Variants in PDE7A observed in about 807,000 individuals in gnomAD.
PDE7A encodes the protein high affinity 3',5'-cyclic-AMP phosphodiesterase 7A.
PDE7A carries 39 observed loss-of-function variants against 64.3 expected under a neutral mutation model. The ratio of observed to expected loss-of-function variants is 0.61; its 90% CI spans 0.47 to 0.79. The LOEUF (loss-of-function observed/expected upper bound fraction) is 0.79, where lower values mean the gene tolerates loss of function less well. Among genes scored for constraint, PDE7A ranks in the 30% least tolerant of loss-of-function variants. The pLI is 0.00. For synonymous variants in PDE7A, 203 were observed against 206.8 expected, an observed-to-expected ratio of 0.98 and a Z score of 0.16; for missense variants, 470 against 582.8, an observed-to-expected ratio of 0.81 and a Z score of 1.99.
intron 5 of PDE7A, among the ~76,000 whole-genome samples, chr8:65,741,772 G>A (rs748180065): frequency 6.6e-6 from 1 of 152,138 alleles, no homozygotes; most frequent in Non-Finnish European, 1.5e-5. Flanking sequence ...TTCATTCTCT[G>A]TATATTTAGA....
At chr8:65,735,876 C>T (rs971602328) in intron 6 of PDE7A, among the ~76,000 whole-genome samples, 13 of 151,960 alleles carry the variant, frequency 8.6e-5, no homozygotes, top group African/African-American at 2.9e-4. Flanking sequence ...CCACCCACCT[C>T]GGCCTCCCAA....
chr8:65,787,048 T>A (rs1054079524), intron 1 of PDE7A, among the ~76,000 whole-genome samples: 2 of 152,242 alleles, frequency 1.3e-5, no homozygotes, highest in Non-Finnish European at 2.9e-5. Context: ...TATTAGTTAA[T>A]ACATAACTTT....
chr8:65,748,845 T>C (rs1284716168), intron 3 of PDE7A, among the ~76,000 whole-genome samples: 1 of 152,206 alleles, frequency 6.6e-6, no homozygotes, highest in Non-Finnish European at 1.5e-5. Flanking sequence ...AGGTGTTAAA[T>C]AGTAGCCATG....
chr8:65,727,933 A>G (rs1390755005), intron 7 of PDE7A: 1 of 152,242 alleles, frequency 6.6e-6, no homozygotes, highest in Non-Finnish European at 1.5e-5. Context: ...CTTTACTCTC[A>G]ATAATCATTA....
chr8:65,814,773 G>T (rs1279673142), intron 1 of PDE7A, among the ~76,000 whole-genome samples: 1 of 152,094 alleles, frequency 6.6e-6, no homozygotes, highest in African/African-American at 2.4e-5. Flanking sequence ...GGGAGGCCAA[G>T]GAGGACAGAT....
At chr8:65,722,362 T>C (rs967464087) in intron 12 of PDE7A, 5 of 152,326 alleles carry the variant, frequency 3.3e-5, no homozygotes, top group African/African-American at 9.6e-5. Flanking sequence ...TGAGTATCCA[T>C]TGCAATCACA....
intron 3 of PDE7A, among the ~76,000 whole-genome samples, chr8:65,759,843 C>T (rs1187654805): frequency 6.6e-6 from 1 of 152,038 alleles, no homozygotes; most frequent in Non-Finnish European, 1.5e-5. Context: ...TGTTAACACC[C>T]CACCCTGGTA....
At chr8:65,769,721 C>T (rs926196586) in intron 3 of PDE7A, among the ~76,000 whole-genome samples, 2 of 152,032 alleles carry the variant, frequency 1.3e-5, no homozygotes, top group Non-Finnish European at 2.9e-5. Flanking sequence ...CATAGTGAAA[C>T]CCCGTCTCTA....
At chr8:65,826,303 T>C (rs1810672762) in intron 1 of PDE7A, among the ~76,000 whole-genome samples, 1 of 152,220 alleles carries the variant, frequency 6.6e-6, no homozygotes, top group Non-Finnish European at 1.5e-5. Flanking sequence ...GGTAGAATTC[T>C]AGTGACAGGA....
At chr8:65,796,611 T>C (rs1431680023) in intron 1 of PDE7A, among the ~76,000 whole-genome samples, 9 of 152,140 alleles carry the variant, frequency 5.9e-5, no homozygotes, top group African/African-American at 2.4e-5. Flanking sequence ...ATCAGTTCAA[T>C]TGGTAAGAAA....
At chr8:65,841,095 G>C (rs974935655) in intron 1 of PDE7A, among the ~76,000 whole-genome samples, 3 of 152,232 alleles carry the variant, frequency 2.0e-5, no homozygotes, top group Non-Finnish European at 4.4e-5. Flanking sequence ...TCATTCCTGA[G>C]GCTTAAACTG....
chr8:65,765,260 C>T (rs1445626654), intron 3 of PDE7A, among the ~76,000 whole-genome samples: 5 of 151,626 alleles, frequency 3.3e-5, no homozygotes, highest in East Asian at 3.9e-4. Context: ...GAGGCCGAGG[C>T]GGGCGGATCA....
At chr8:65,759,115 T>C (rs1023386654) in intron 3 of PDE7A, among the ~76,000 whole-genome samples, 4 of 152,252 alleles carry the variant, frequency 2.6e-5, no homozygotes, top group Non-Finnish European at 5.9e-5. Context: ...GCTTGCATTT[T>C]ACGTCTTTTC....
chr8:65,729,426 G>C (rs1208154794), intron 7 of PDE7A, among the ~76,000 whole-genome samples: 2 of 132,992 alleles, frequency 1.5e-5, no homozygotes, highest in African/African-American at 5.7e-5. Context: ...AGAAATAGCA[G>C]AAAGAAGGTA....
At chr8:65,724,985 T>C in intron 9 of PDE7A, 64 bp from the exon 10 acceptor site, 2 of 1,095,878 alleles carry the variant, frequency 1.8e-6, no homozygotes, top group Non-Finnish European at 2.6e-6. Context: ...TTGATTTTTT[T>C]TCTTAACCAT....
At chr8:65,740,893 T>C (rs965203009) in intron 5 of PDE7A, among the ~76,000 whole-genome samples, 1 of 152,210 alleles carries the variant, frequency 6.6e-6, no homozygotes, top group Non-Finnish European at 1.5e-5. Context: ...CAGCCTCTCC[T>C]GGCCCCCTCC....
chr8:65,832,822 C>T (rs922642967), intron 1 of PDE7A, among the ~76,000 whole-genome samples: 1 of 152,100 alleles, frequency 6.6e-6, no homozygotes, highest in Non-Finnish European at 1.5e-5. Context: ...TCTTTGATTA[C>T]CAGCATGGTT....
intron 2 of PDE7A, among the ~76,000 whole-genome samples, chr8:65,780,476 T>C (rs1157596060): frequency 6.6e-6 from 1 of 152,224 alleles, no homozygotes; most frequent in African/African-American, 2.4e-5. Context: ...CGTTCCTACA[T>C]GTGCCCACAT....
intron 5 of PDE7A, among the ~76,000 whole-genome samples, chr8:65,745,194 C>T (rs942779326): frequency 2.0e-5 from 3 of 152,224 alleles, no homozygotes; most frequent in Non-Finnish European, 4.4e-5. Flanking sequence ...CCTCCCCAGC[C>T]ACATGGAACT....
Sources: allele counts gnomAD v4.1 joint callset (sites outside exome capture counted in the v4.1 genomes callset), GRCh38; gene constraint gnomAD v4.1.1; transcripts MANE v1.5; gene names NCBI Gene and HGNC (gene_info 2026-07-23, HGNC 2026-07-21).